The following XKR4 variants were observed in gnomAD, a reference collection of about 807,000 sequenced individuals.
XKR4 encodes the protein XK related 4.
XKR4 carries 12 observed loss-of-function variants against 53.9 expected under a neutral mutation model. That is an observed-to-expected ratio of 0.22 (90% CI 0.14 to 0.36). XKR4 has a LOEUF of 0.36. XKR4 is among the 10% of genes least tolerant of loss of function. The pLI is 1.00. For synonymous variants in XKR4, 354 were observed against 362.4 expected (o/e 0.98, Z 0.26); for missense variants, 799 against 859.5 (o/e 0.93, Z 0.88).
intron 1 of XKR4, among the ~76,000 whole-genome samples, chr8:55,343,424 A>G (rs946956277): frequency 6.6e-6 from 1 of 152,164 alleles, no homozygotes; most frequent in South Asian, 2.1e-4. Context: ...TGGCACAGGG[A>G]GCTCAGATGC....
intron 1 of XKR4, among the ~76,000 whole-genome samples, chr8:55,243,865 A>C (rs538753256): frequency 1.2e-4 from 19 of 152,240 alleles, no homozygotes; most frequent in Non-Finnish European, 2.4e-4. Flanking sequence ...CATGGTAGCG[A>C]TGAAGGATAA....
chr8:55,365,890 C>T (rs1192727869), intron 2 of XKR4, among the ~76,000 whole-genome samples: 2 of 152,246 alleles, frequency 1.3e-5, no homozygotes, highest in African/African-American at 2.4e-5. Context: ...AGGGTACTGC[C>T]TGAGGAGTGC....
At chr8:55,407,308 G>A (rs1468657376) in intron 2 of XKR4, among the ~76,000 whole-genome samples, 1 of 152,268 alleles carries the variant, frequency 6.6e-6, no homozygotes, top group Non-Finnish European at 1.5e-5. Context: ...CGGGGCTTTC[G>A]CACTGCTTCC....
chr8:55,520,071 C>T (rs1048337788), intron 2 of XKR4, among the ~76,000 whole-genome samples: 2 of 152,212 alleles, frequency 1.3e-5, no homozygotes, highest in Non-Finnish European at 2.9e-5. Flanking sequence ...CTCCAGAGAA[C>T]TCTAAGAATA....
rs183168401 is a variant in XKR4 at position 55,325,249 on chromosome 8, T to A, written c.807-32429T>A. Among the ~76,000 whole-genome samples the A allele has an allele frequency of 6.2e-3, 938 of 152,228 alleles. 6 individuals are homozygous for A. Among genetic ancestry groups the A allele is most frequent in the Non-Finnish European group, 0.011 (724 of 67,990 alleles). On this transcript the variant is annotated intron_variant, in intron 1 of 2. Transcript: ENST00000327381. ...CTGTGCTATAATCAGAAAACAAAAA[T>A]GGAGAAGAAACTGTTTTAATTAACC...
Position 55,103,018 on chromosome 8 carries a change from C to T in XKR4, c.530C>T (p.Ala177Val), listed in dbSNP as rs565411277. The T allele has an allele frequency of 6.8e-6, 11 of 1,612,352 alleles. No individual in the cohort carries two copies. Among genetic ancestry groups the T allele is most frequent in the Non-Finnish European group, 9.3e-6 (11 of 1,179,816 alleles). The change falls in exon 1 of 3, where the codon GCC becomes GTC. Residue 177 changes from alanine (A) to valine (V), a missense_variant. Around this residue, in one of 3 missense-constraint regions of XKR4, gnomAD observed 476 missense variants for 505.4 expected, o/e 0.94. Transcript: ENST00000327381. ...FVHDFSTEDS[A>V]TAAAASSCPQ... ...CACGATTTCAGCACCGAGGACAGCG[C>T]CACGGCCGCTGCTGCCTCCAGCTGC...
chr8:55,277,303 C>A (rs1385714227), intron 1 of XKR4, among the ~76,000 whole-genome samples: 3 of 152,144 alleles, frequency 2.0e-5, no homozygotes, highest in Non-Finnish European at 4.4e-5. Flanking sequence ...AAATGGAATA[C>A]AATAGCATAT....
chr8:55,205,903 T>C (rs1817641330), intron 1 of XKR4, among the ~76,000 whole-genome samples: 1 of 152,186 alleles, frequency 6.6e-6, no homozygotes, highest in South Asian at 2.1e-4. Context: ...AGTTTGTTCC[T>C]TCAGATGTTC....
intron 2 of XKR4, among the ~76,000 whole-genome samples, chr8:55,446,629 G>T (rs555432094): frequency 2.0e-5 from 3 of 152,182 alleles, no homozygotes; most frequent in African/African-American, 7.2e-5. Flanking sequence ...GATTACAGGC[G>T]TGAGCTACTG....
At chr8:55,141,098 T>G (rs1715406841) in intron 1 of XKR4, among the ~76,000 whole-genome samples, 2 of 152,192 alleles carry the variant, frequency 1.3e-5, no homozygotes, top group Admixed American at 6.5e-5. Flanking sequence ...AGAAACTCTG[T>G]ACCCATTAGC....
chr8:55,362,098 A>C (rs1390640342), intron 2 of XKR4, among the ~76,000 whole-genome samples: 1 of 152,178 alleles, frequency 6.6e-6, no homozygotes, highest in Non-Finnish European at 1.5e-5. Flanking sequence ...ATGAGAGAGT[A>C]CACACAAAGG....
intron 1 of XKR4, among the ~76,000 whole-genome samples, chr8:55,201,348 G>A (rs10504184): frequency 0.093 from 14,202 of 152,194 alleles, 1,744 homozygotes; most frequent in African/African-American, 0.28. Flanking sequence ...GCCAACAATA[G>A]GTATGGTGAC....
chr8:55,292,935 G>T (rs779058051), intron 1 of XKR4, among the ~76,000 whole-genome samples: 1 of 152,112 alleles, frequency 6.6e-6, no homozygotes, highest in Non-Finnish European at 1.5e-5. Context: ...CATGTGTTTG[G>T]AGGTTTCCCT....
At chr8:55,157,855 C>T (rs950544546) in intron 1 of XKR4, among the ~76,000 whole-genome samples, 6 of 152,152 alleles carry the variant, frequency 3.9e-5, no homozygotes, top group African/African-American at 1.2e-4. Context: ...GACATGATCT[C>T]TCTCTCTTTT....
chr8:55,178,725 C>T (rs1281227428), intron 1 of XKR4, among the ~76,000 whole-genome samples: 1 of 152,158 alleles, frequency 6.6e-6, no homozygotes, highest in African/African-American at 2.4e-5. Flanking sequence ...ACCTCCATTT[C>T]CTCATTTGCA....
intron 2 of XKR4, among the ~76,000 whole-genome samples, chr8:55,490,712 A>G (rs1806258579): frequency 6.6e-6 from 1 of 152,110 alleles, no homozygotes; most frequent in South Asian, 2.1e-4. Flanking sequence ...TGTTTTTTTT[A>G]ATTACTTTTT....
intron 2 of XKR4, among the ~76,000 whole-genome samples, chr8:55,492,731 GATA>G (rs1372665389): frequency 6.6e-6 from 1 of 152,202 alleles, no homozygotes; most frequent in East Asian, 1.9e-4. Context: ...TGGTTCCTAA[GATA>G]TAGACATGTC....
At chr8:55,242,757 T>A (rs576132878) in intron 1 of XKR4, among the ~76,000 whole-genome samples, 1 of 152,140 alleles carries the variant, frequency 6.6e-6, no homozygotes, top group South Asian at 2.1e-4. Context: ...AGAGGAGGCA[T>A]GTGTGCAGAG....
At chr8:55,344,954 A>G (rs1487626046) in intron 1 of XKR4, among the ~76,000 whole-genome samples, 1 of 150,750 alleles carries the variant, frequency 6.6e-6, no homozygotes, top group African/African-American at 2.5e-5. Context: ...GTTTTCACAT[A>G]ATAATAAAAA....
Sources: gnomAD v4.1 joint callset for allele counts (sites outside exome capture counted in the v4.1 genomes callset) on GRCh38, gnomAD v4.1.1 for gene constraint, gnomAD v4.1.1 regional missense constraint, MANE v1.5 for transcripts, NCBI Gene and HGNC (gene_info 2026-07-23, HGNC 2026-07-21) for gene names.